PDS5B: variants seen among roughly 807,000 people sequenced by gnomAD.
PDS5B encodes the protein sister chromatid cohesion protein PDS5 homolog B.
In PDS5B, 51 loss-of-function variants were observed where a neutral mutation model predicts 184.1. That is an observed-to-expected ratio of 0.28 (90% CI 0.22 to 0.35). The LOEUF (loss-of-function observed/expected upper bound fraction) is 0.35, where lower values mean the gene tolerates loss of function less well. Ranked by LOEUF, PDS5B falls within the 10% of genes least tolerant of loss-of-function variation. PDS5B has a pLI of 1.00. For synonymous variants in PDS5B, 566 were observed against 569.2 expected, an observed-to-expected ratio of 0.99 and a Z score of 0.08; for missense variants, 1,180 against 1,723.3, an observed-to-expected ratio of 0.68 and a Z score of 5.58.
chr13:32,639,376 A>G (rs920324524), intron 1 of PDS5B, among the ~76,000 whole-genome samples: 9 of 152,204 alleles, frequency 5.9e-5, no homozygotes, highest in East Asian at 1.9e-4. Context: ...AGAACTTCCT[A>G]AAGTATTCAC....
At chr13:32,692,847 G>T (rs1174090027) in intron 13 of PDS5B, among the ~76,000 whole-genome samples, 1 of 151,946 alleles carries the variant, frequency 6.6e-6, no homozygotes, top group Non-Finnish European at 1.5e-5. Flanking sequence ...TACTTGAAAG[G>T]ATAGTTCCTA....
In PDS5B at chr13:32,701,307, A is replaced by G. The variant is rs1407851452; in HGVS notation, c.1741-16A>G. On this transcript the variant is annotated splice_polypyrimidine_tract_variant and intron_variant, in intron 16 of 34. Transcript: ENST00000315596. ...TTAAATGTACTTTTGTAATACTGAAATAATCTGTATTACAGCGTGAAATAA... is the reference window on the plus strand; with the variant it reads ...TTAAATGTACTTTTGTAATACTGAAGTAATCTGTATTACAGCGTGAAATAA... 7.8e-7 allele frequency: 1 copy of G among 1,288,004 alleles called. No homozygotes were observed. Among genetic ancestry groups the G allele is most frequent in the African/African-American group, 1.5e-5 (1 of 68,010 alleles). The allele number at this position is 1,288,004 out of a possible 1,614,324, so 79.8% of individuals were successfully genotyped here.
intron 1 of PDS5B, among the ~76,000 whole-genome samples, chr13:32,593,257 G>A (rs1447381904): frequency 2.6e-5 from 4 of 152,210 alleles, no homozygotes; most frequent in African/African-American, 7.2e-5. Context: ...CTTGAACAGC[G>A]AAGGGGTTAG....
At chr13:32,690,164 G>T (rs1413323321) in intron 13 of PDS5B, 1 of 152,194 alleles carries the variant, frequency 6.6e-6, no homozygotes, top group African/African-American at 2.4e-5. Context: ...AGGGGTGGGA[G>T]TGTGGATTAA....
chr13:32,724,644 C>T (rs1008607213), intron 19 of PDS5B, among the ~76,000 whole-genome samples: 5 of 151,998 alleles, frequency 3.3e-5, no homozygotes, highest in East Asian at 1.9e-4. Context: ...TGCAGTGGTG[C>T]GATCACAGCT....
intron 1 of PDS5B, among the ~76,000 whole-genome samples, chr13:32,647,065 C>T (rs7331393): frequency 0.38 from 58,025 of 151,840 alleles, 11,543 homozygotes; most frequent in Non-Finnish European, 0.44. Context: ...GTTTGGCTTA[C>T]TGAATTTGTA....
intron 24 of PDS5B, among the ~76,000 whole-genome samples, chr13:32,751,627 A>G (rs1392166362): frequency 6.6e-6 from 1 of 152,078 alleles, no homozygotes; most frequent in Non-Finnish European, 1.5e-5. Context: ...ACATTTTTTC[A>G]TATGCTTGTT....
rs553343720 is a variant in PDS5B at position 32,604,701 on chromosome 13, C to T, written c.-20+18108C>T. 1.4e-4 allele frequency among the ~76,000 whole-genome samples: 22 copies of T among 152,220 alleles called. No homozygotes were observed. In the South Asian group the frequency reaches 4.6e-3, roughly 32 times the overall value. On this transcript the variant is annotated intron_variant, in intron 1 of 34. Transcript: ENST00000315596. ...GAATTTGGCTGTGAATCCATCTGGT[C>T]CTGGACTTTTTTTGGTTGGTAGGCT...
Position 32,688,540 on chromosome 13 carries a change from G to A in PDS5B, c.1440G>A (p.Leu480=). The change falls in exon 13 of 35, where the codon TTG becomes TTA. Residue 480 remains leucine, a synonymous_variant. Coordinates refer to ENST00000315596, the MANE Select transcript of PDS5B (RefSeq NM_015032.4). The stretch of plus-strand genomic sequence containing the variant: ...AACGGATGAAATGCTTATATTACTT[G>A]TATGCCACACTGGATTTAAATGCTG... ...TTERMKCLYY[L]YATLDLNAVK... 1 of 1,594,968 alleles carries A rather than the reference G, an allele frequency of 6.3e-7. No individual in the cohort carries two copies. The highest frequency in any genetic ancestry group is 8.6e-7 in the Non-Finnish European group (1 of 1,162,962).
At chr13:32,738,647 C>T (rs1472827159) in intron 21 of PDS5B, among the ~76,000 whole-genome samples, 3 of 151,924 alleles carry the variant, frequency 2.0e-5, no homozygotes, top group Non-Finnish European at 4.4e-5. Flanking sequence ...TTATTGTGTC[C>T]TTTGATCCTT....
At chr13:32,744,075 C>A (rs186315921) in intron 23 of PDS5B, among the ~76,000 whole-genome samples, 1 of 152,200 alleles carries the variant, frequency 6.6e-6, no homozygotes, top group East Asian at 1.9e-4. Flanking sequence ...TTACAACATT[C>A]AGGCAGATTG....
intron 24 of PDS5B, among the ~76,000 whole-genome samples, chr13:32,750,924 T>G (rs548854596): frequency 1.3e-5 from 2 of 151,862 alleles, no homozygotes; most frequent in East Asian, 3.9e-4. Flanking sequence ...TGTACAGGTT[T>G]GTTATCTAGG....
intron 31 of PDS5B, among the ~76,000 whole-genome samples, chr13:32,765,984 A>T (rs1022958345): frequency 2.6e-5 from 4 of 152,260 alleles, no homozygotes; most frequent in African/African-American, 7.2e-5. Flanking sequence ...TAAAATTTTC[A>T]CATGAGCAAA....
At position 32,759,686 on chromosome 13, in the gene PDS5B, GA is replaced by G; in HGVS notation, c.3372del (p.Lys1124AsnfsTer8). ...PPEMKSFFTP[G>X]KPKTTNVLGA... is the part of the protein sequence containing the mutation. ...GAAATGAAATCATTTTTCACTCCTG[GA>G]AAAGTATGTTTTGAGAATCATTTTA... On this transcript the variant is annotated frameshift_variant, in exon 29 of 35. Coordinates refer to ENST00000315596, the MANE Select transcript of PDS5B (RefSeq NM_015032.4). LOFTEE classifies it high-confidence loss of function. The G allele has an allele frequency of 1.3e-6, 2 of 1,537,658 alleles. No individual in the cohort carries two copies. Among genetic ancestry groups the G allele is most frequent in the Non-Finnish European group, 1.8e-6 (2 of 1,121,470 alleles).
chr13:32,710,458 T>G (rs1952169142), intron 19 of PDS5B, among the ~76,000 whole-genome samples: 2 of 152,312 alleles, frequency 1.3e-5, no homozygotes, highest in South Asian at 4.1e-4. Context: ...CCTCTGTGAT[T>G]TAGGGCTGAA....
intron 6 of PDS5B, among the ~76,000 whole-genome samples, chr13:32,660,521 T>G (rs1158301645): frequency 6.6e-6 from 1 of 152,156 alleles, no homozygotes; most frequent in Non-Finnish European, 1.5e-5. Flanking sequence ...GGGCTGTGCC[T>G]GACTGGACTC....
chr13:32,651,512 A>G (rs902341480), intron 2 of PDS5B, among the ~76,000 whole-genome samples: 1 of 152,240 alleles, frequency 6.6e-6, no homozygotes, highest in Non-Finnish European at 1.5e-5. Context: ...AGTTTCCACA[A>G]ATATTCTATT....
rs531364713 is a variant in PDS5B, at chr13:32,659,919, A to G, written c.624+639A>G. 2.0e-5 allele frequency among the ~76,000 whole-genome samples: 3 copies of G among 152,308 alleles called. No individual in the cohort carries two copies. The East Asian group carries it at 5.8e-4, about 29-fold the overall frequency. On this transcript the variant is annotated intron_variant, in intron 6 of 34. Coordinates refer to ENST00000315596, the MANE Select transcript of PDS5B (RefSeq NM_015032.4). ...ATATAATCTCAGTGTAGAGACTGAC[A>G]TGAATAATGGTTCAGTGAAAATGAT... is the stretch of plus-strand genomic sequence containing the variant.
intron 19 of PDS5B, among the ~76,000 whole-genome samples, chr13:32,717,663 C>G (rs1265368900): frequency 7.0e-4 from 88 of 125,910 alleles, no homozygotes; most frequent in African/African-American, 2.6e-3. Flanking sequence ...TCCCCCTCTG[C>G]GAGAAACACC....
Sources: allele counts gnomAD v4.1 joint callset (sites outside exome capture counted in the v4.1 genomes callset), GRCh38; gene constraint gnomAD v4.1.1; transcripts MANE v1.5; gene names NCBI Gene and HGNC (gene_info 2026-07-23, HGNC 2026-07-21).